FAM153A: variants seen among roughly 807,000 people sequenced by gnomAD.
The protein encoded by FAM153A is protein FAM153A.
FAM153A carries 12 observed loss-of-function variants against 48.1 expected under a neutral mutation model. The observed-to-expected ratio is 0.25, with a 90% CI of 0.16 to 0.40. FAM153A has a LOEUF of 0.40. Among genes scored for constraint, FAM153A ranks in the 10% least tolerant of loss-of-function variants. The pLI, the probability that FAM153A is intolerant of heterozygous loss-of-function variation, is 1.00. For missense variants in FAM153A, 111 were observed against 345.8 expected (o/e 0.32, Z 5.38); for synonymous variants, 36 against 118.2 (o/e 0.30, Z 4.51).
chr5:177,753,522 A>G (rs1233133961), upstream of FAM153A, among the ~76,000 whole-genome samples: 1 of 150,766 alleles, frequency 6.6e-6, no homozygotes, highest in East Asian at 1.9e-4. Context: ...TATATTTGAT[A>G]GTGAAAATTT....
upstream of FAM153A, chr5:177,753,409 C>G: frequency 2.3e-6 from 1 of 443,570 alleles, no homozygotes; most frequent in Non-Finnish European, 4.0e-6. Context: ...CAAGGGGTCA[C>G]TTACACTCCA....
chr5:177,709,421 G>A (rs1448806107), downstream of FAM153A, among the ~76,000 whole-genome samples: 10 of 146,620 alleles, frequency 6.8e-5, no homozygotes, highest in Non-Finnish European at 8.9e-5. Flanking sequence ...GAGTGCAATG[G>A]CGCGATCTCG....
At chr5:177,713,483 T>G (rs1758901936) in intron 26 of FAM153A, among the ~76,000 whole-genome samples, 1 of 151,620 alleles carries the variant, frequency 6.6e-6, no homozygotes, top group Non-Finnish European at 1.5e-5. Flanking sequence ...GGTCTCGATC[T>G]CCTGACCTCG....
chr5:177,757,957 A>G (rs13169427), upstream of FAM153A, among the ~76,000 whole-genome samples: 1 of 151,950 alleles, frequency 6.6e-6, no homozygotes, highest in Non-Finnish European at 1.5e-5. Context: ...TCTTCAACAT[A>G]GTGTTGGAAG....
chr5:177,709,314 TTTA>T (rs1197188261), downstream of FAM153A, among the ~76,000 whole-genome samples: 1 of 148,962 alleles, frequency 6.7e-6, no homozygotes, highest in East Asian at 1.9e-4. Flanking sequence ...CTATTAACTA[TTTA>T]TTGACAGGAA....
chr5:177,753,603 C>T (rs866465058), upstream of FAM153A, among the ~76,000 whole-genome samples: 19 of 150,390 alleles, frequency 1.3e-4, no homozygotes, highest in Non-Finnish European at 2.9e-5. Context: ...GAAATGCCTT[C>T]CCCACCAATT....
At chr5:177,695,536 A>G in the FAM153A span, among the ~76,000 whole-genome samples, 2 of 152,302 alleles carry the variant, frequency 1.3e-5, no homozygotes, top group African/African-American at 2.4e-5. Flanking sequence ...TTTAACCCTG[A>G]GTTGACACAG....
At chr5:177,703,213 T>G (rs1757603023), downstream of FAM153A, among the ~76,000 whole-genome samples, 1 of 151,952 alleles carries the variant, frequency 6.6e-6, no homozygotes, top group African/African-American at 2.4e-5. Context: ...GCCTTGGGAG[T>G]CCACGCCTTC....
the FAM153A span, among the ~76,000 whole-genome samples, chr5:177,701,926 G>A: frequency 7.5e-6 from 1 of 133,534 alleles, no homozygotes; most frequent in Non-Finnish European, 1.6e-5. Context: ...TTTTTTTTTT[G>A]AGACAGAGTC....
the FAM153A span, among the ~76,000 whole-genome samples, chr5:177,697,948 TC>T: frequency 7.1e-6 from 1 of 140,424 alleles, no homozygotes; most frequent in Non-Finnish European, 1.6e-5. Flanking sequence ...TGGTTGTTGC[TC>T]CTCTTCTTTT....
At chr5:177,758,943 A>G (rs1244621488) in intron 1 of FAM153A, among the ~76,000 whole-genome samples, 1 of 151,824 alleles carries the variant, frequency 6.6e-6, no homozygotes, top group Non-Finnish European at 1.5e-5. Flanking sequence ...AAACACCAAA[A>G]GCAATGACAA....
chr5:177,740,545 T>C lies in FAM153A; in HGVS notation c.466+232A>G, dbSNP rs1765306384. 2.6e-5 allele frequency among the ~76,000 whole-genome samples: 3 copies of C among 116,292 alleles called. 1 individual carries two copies. The highest frequency in any genetic ancestry group is 5.7e-5 in the Non-Finnish European group (3 of 52,546). The allele number at this position is 116,292 out of a possible 152,430, so 76.3% of individuals were successfully genotyped here. A position where few individuals can be genotyped will look rare whatever the true frequency, so the allele number is the denominator to read the frequency against. On this transcript the variant is annotated intron_variant, in intron 8 of 20. Coordinates refer to ENST00000614127, the Ensembl canonical transcript of FAM153A. ...GCATGTGGAACACTTGTGGCCATCA[T>C]GTTATTAAACATAGCAGAATATGTC...
In FAM153A at chr5:177,780,593, T is replaced by C. The variant is rs186559883; in HGVS notation, c.-201A>G. 15 of 96,386 alleles carry C rather than the reference T, an allele frequency of 1.6e-4. 5 individuals are homozygous for C. Among genetic ancestry groups the C allele is most frequent in the Admixed American group, 6.8e-4 (6 of 8,846 alleles). The allele number at this position is 96,386 out of a possible 1,614,324, so 6.0% of individuals were successfully genotyped here. A position where few individuals can be genotyped will look rare whatever the true frequency, so the allele number is the denominator to read the frequency against. On this transcript the variant is annotated 5_prime_UTR_variant, in exon 1 of 9. Coordinates refer to the FAM153A transcript ENST00000393518. ...AAATTCTTAATGTTTGGTAAATGTG[T>C]AATCAAACTGATTCTTTTTTCCTCG... is the stretch of plus-strand genomic sequence containing the variant.
upstream of FAM153A, among the ~76,000 whole-genome samples, chr5:177,754,997 G>T (rs1222776777): frequency 6.6e-6 from 1 of 151,914 alleles, no homozygotes; most frequent in Non-Finnish European, 1.5e-5. Context: ...GGATGACTTT[G>T]ACGAGTAGAG....
At chr5:177,749,233 A>C (rs960153436) in intron 2 of FAM153A, among the ~76,000 whole-genome samples, 4 of 151,768 alleles carry the variant, frequency 2.6e-5, no homozygotes, top group African/African-American at 9.7e-5. Flanking sequence ...ATCCAAATCC[A>C]GATGTCTTAC....
upstream of FAM153A, among the ~76,000 whole-genome samples, chr5:177,781,054 C>T (rs1474556246): frequency 2.8e-5 from 2 of 70,664 alleles, no homozygotes; most frequent in African/African-American, 1.1e-4. Flanking sequence ...AGTACTTTGC[C>T]CCCTTTTACA....
chr5:177,728,753 G>C (rs1336664377), intron 18 of FAM153A, among the ~76,000 whole-genome samples: 1 of 150,792 alleles, frequency 6.6e-6, no homozygotes, highest in African/African-American at 2.5e-5. Flanking sequence ...TTTTAGGAGC[G>C]ATGGGGTTTC....
At chr5:177,728,575 GT>G (rs575030080) in intron 18 of FAM153A, among the ~76,000 whole-genome samples, 22 of 138,008 alleles carry the variant, frequency 1.6e-4, no homozygotes, top group South Asian at 1.1e-3. Flanking sequence ...GTTTGTTTTT[GT>G]TTTTTTTTTT....
chr5:177,771,188 T>A (rs1769091958), intron 1 of FAM153A, among the ~76,000 whole-genome samples: 1 of 97,332 alleles, frequency 1.0e-5, no homozygotes, highest in Admixed American at 1.1e-4. Flanking sequence ...ATATCTTATT[T>A]CATAACTCTA....
Sources: gnomAD v4.1 joint callset for allele counts (sites outside exome capture counted in the v4.1 genomes callset) on GRCh38, gnomAD v4.1.1 for gene constraint, MANE v1.5 for transcripts, NCBI Gene and HGNC (gene_info 2026-07-23, HGNC 2026-07-21) for gene names.